The following CYRIB variants were observed in gnomAD, a reference collection of about 807,000 sequenced individuals.
CYRIB encodes the protein CYFIP related Rac1 interactor B.
CYRIB carries 8 observed loss-of-function variants against 44.2 expected under a neutral mutation model. The ratio of observed to expected loss-of-function variants is 0.18; its 90% CI spans 0.11 to 0.33. CYRIB has a LOEUF of 0.33. Ranked by LOEUF, CYRIB falls within the 10% of genes least tolerant of loss-of-function variation. The pLI is 1.00. For synonymous variants in CYRIB, 131 were observed against 127.2 expected (o/e 1.03, Z -0.20); for missense variants, 185 against 382.8 (o/e 0.48, Z 4.31).
intron 1 of CYRIB, among the ~76,000 whole-genome samples, chr8:129,990,699 GT>G (rs1179439384): frequency 6.6e-6 from 1 of 151,572 alleles, no homozygotes; most frequent in East Asian, 1.9e-4. Context: ...TTTCCTTTTT[GT>G]TTTTTTAGAG....
intron 1 of CYRIB, among the ~76,000 whole-genome samples, chr8:129,930,379 A>ATATATATATATATATATATATATT (rs971468534): frequency 7.7e-6 from 1 of 130,094 alleles, no homozygotes; most frequent in Non-Finnish European, 1.6e-5. Context: ...ATATATATAT[A>ATATATATATATATATATATATATT]TTTTAATTAT....
chr8:129,946,986 C>T (rs2131140372), intron 2 of CYRIB, among the ~76,000 whole-genome samples: 1 of 152,296 alleles, frequency 6.6e-6, no homozygotes, highest in Middle Eastern at 3.4e-3. Flanking sequence ...CCCCACCTAC[C>T]TTCACTCATT....
intron 1 of CYRIB, among the ~76,000 whole-genome samples, chr8:129,971,589 C>A (rs1468627702): frequency 1.3e-5 from 2 of 152,218 alleles, no homozygotes; most frequent in Non-Finnish European, 2.9e-5. Context: ...TTTGGCTGGA[C>A]TGTGTTGTCC....
At chr8:129,931,506 A>T (rs1360025608) in intron 1 of CYRIB, among the ~76,000 whole-genome samples, 1 of 152,234 alleles carries the variant, frequency 6.6e-6, no homozygotes. Flanking sequence ...TGACCAACTC[A>T]TCTTTGAGAA....
chr8:129,846,387 GA>G (rs1196347053), intron 11 of CYRIB, among the ~76,000 whole-genome samples: 1 of 152,098 alleles, frequency 6.6e-6, no homozygotes, highest in Non-Finnish European at 1.5e-5. Context: ...TATATGTAAA[GA>G]AAAAACTCTG....
chr8:129,876,920 T>C (rs2059309899), intron 3 of CYRIB, among the ~76,000 whole-genome samples: 1 of 152,246 alleles, frequency 6.6e-6, no homozygotes, highest in Non-Finnish European at 1.5e-5. Flanking sequence ...CTTTAAGTTA[T>C]TGAGAATTAG....
intron 1 of CYRIB, among the ~76,000 whole-genome samples, chr8:129,988,375 C>G (rs556559565): frequency 2.6e-5 from 4 of 152,260 alleles, no homozygotes; most frequent in South Asian, 4.1e-4. Flanking sequence ...TTTCAGGCCC[C>G]GGGGAGAATC....
intron 1 of CYRIB, among the ~76,000 whole-genome samples, chr8:129,917,479 T>C (rs2081323246): frequency 1.3e-5 from 2 of 152,170 alleles, no homozygotes; most frequent in Admixed American, 1.3e-4. Flanking sequence ...ATCCTTCCCA[T>C]TAGTCTATAT....
intron 1 of CYRIB, among the ~76,000 whole-genome samples, chr8:129,993,327 A>T (rs1017610507): frequency 2.0e-5 from 3 of 151,208 alleles, no homozygotes; most frequent in African/African-American, 7.3e-5. Context: ...CAGGAGGCAG[A>T]GGTTGCAGAG....
rs961903046 is a variant in CYRIB at position 129,990,522 on chromosome 8, G to A, written c.-295-19527C>T. Among the ~76,000 whole-genome samples the A allele has an allele frequency of 1.6e-3, 224 of 139,598 alleles. 1 individual carries two copies. The highest frequency in any genetic ancestry group is 0.015 in the Middle Eastern group (4 of 270). 91.6% of individuals were successfully genotyped at this position (139,598 alleles called of 152,430 possible). ...CGTGTGTGTGTGTGTGTGTGTGTGT[G>A]TATATATTTTTTTTCTTCCCCAAGA... On this transcript the variant is annotated intron_variant, in intron 1 of 14. Transcript: ENST00000401979.
At chr8:130,001,600 T>C (rs113982475) in intron 1 of CYRIB, among the ~76,000 whole-genome samples, 8,763 of 148,532 alleles carry the variant, frequency 0.059, 302 homozygotes, top group Non-Finnish European at 0.076. Flanking sequence ...GCAATCTTGG[T>C]TCACTGCAAC....
intron 1 of CYRIB, among the ~76,000 whole-genome samples, chr8:129,924,273 CAAAAA>C (rs34140791): frequency 1.3e-4 from 6 of 45,236 alleles, no homozygotes; most frequent in African/African-American, 4.2e-4. Flanking sequence ...GACCTGCCTC[CAAAAA>C]AAAAAAAAAA....
Position 129,865,809 on chromosome 8 carries a change from C to T in CYRIB, c.196-3475G>A, listed in dbSNP as rs2053218920. On this transcript the variant is annotated intron_variant, in intron 4 of 11. Coordinates refer to ENST00000519824, the Ensembl canonical transcript of CYRIB. ...AATTATTAACCTTAACTTTTACAAA[C>T]TACTAATCAATGCTAGGATGGGAAG... 2.0e-5 allele frequency among the ~76,000 whole-genome samples: 3 copies of T among 151,084 alleles called. No homozygotes were observed. In the Admixed American group the frequency reaches 2.0e-4, roughly 10 times the overall value.
chr8:130,009,197 T>C (rs1201880969), intron 1 of CYRIB, among the ~76,000 whole-genome samples: 3 of 152,144 alleles, frequency 2.0e-5, no homozygotes, highest in Non-Finnish European at 4.4e-5. Context: ...CTGTCCTTTT[T>C]CAAAGGCGCC....
chr8:129,871,150 G>A (rs2057020009), intron 4 of CYRIB, among the ~76,000 whole-genome samples: 1 of 152,122 alleles, frequency 6.6e-6, no homozygotes, highest in African/African-American at 2.4e-5. Flanking sequence ...AACCCAAAAA[G>A]TAAATAACAT....
intron 1 of CYRIB, among the ~76,000 whole-genome samples, chr8:129,936,524 C>T (rs1360612250): frequency 6.6e-6 from 1 of 152,098 alleles, no homozygotes; most frequent in African/African-American, 2.4e-5. Flanking sequence ...TGTAGAAACT[C>T]TAAATGCCCA....
chr8:129,846,760 C>T, intron 11 of CYRIB, 44 bp downstream of exon 13: 1 of 1,362,670 alleles, frequency 7.3e-7, no homozygotes, highest in Non-Finnish European at 1.0e-6. Context: ...GACCATTTTC[C>T]TTACAGATTT....
chr8:129,967,307 A>T (rs146114468), intron 2 of CYRIB, among the ~76,000 whole-genome samples: 115 of 152,240 alleles, frequency 7.6e-4, no homozygotes, highest in African/African-American at 2.7e-3. Flanking sequence ...AAATGCTACA[A>T]ATTAGGGCTT....
At chr8:129,899,491 A>C (rs1420204612) in intron 2 of CYRIB, among the ~76,000 whole-genome samples, 1 of 152,228 alleles carries the variant, frequency 6.6e-6, no homozygotes, top group Non-Finnish European at 1.5e-5. Context: ...GTATGCCATT[A>C]ATTATTACAC....
Sources: gnomAD v4.1 joint callset for allele counts (sites outside exome capture counted in the v4.1 genomes callset) on GRCh38, gnomAD v4.1.1 for gene constraint, MANE v1.5 for transcripts, NCBI Gene and HGNC (gene_info 2026-07-23, HGNC 2026-07-21) for gene names.